The following KIAA0825 variants were observed in gnomAD, a reference collection of about 807,000 sequenced individuals.
KIAA0825 encodes KIAA0825.
In KIAA0825, 119 loss-of-function variants were observed where a neutral mutation model predicts 147.6. The observed-to-expected ratio is 0.81, with a 90% CI of 0.69 to 0.94. The LOEUF (loss-of-function observed/expected upper bound fraction) is 0.94, where lower values mean the gene tolerates loss of function less well. KIAA0825 is among the 40% of genes least tolerant of loss of function. The pLI is 0.00. For missense variants in KIAA0825, 1,381 were observed against 1,472.7 expected, an observed-to-expected ratio of 0.94 and a Z score of 1.02; for synonymous variants, 470 against 518.1, an observed-to-expected ratio of 0.91 and a Z score of 1.26.
At chr5:94,509,442 C>G (rs552967021) in intron 5 of KIAA0825, among the ~76,000 whole-genome samples, 3 of 152,224 alleles carry the variant, frequency 2.0e-5, no homozygotes, top group African/African-American at 7.2e-5. Flanking sequence ...CAAATCCCTA[C>G]AAATAGGTTT....
chr5:94,547,873 G>GA lies in KIAA0825; in HGVS notation c.-1-10747dup, dbSNP rs912297651. Among the ~76,000 whole-genome samples, 1,297 of 143,694 alleles carry GA rather than the reference G, an allele frequency of 9.0e-3. 18 individuals are homozygous for GA. Among genetic ancestry groups the GA allele is most frequent in the African/African-American group, 0.03 (1,193 of 39,138 alleles). The allele number at this position is 143,694 out of a possible 152,430, so 94.3% of individuals were successfully genotyped here. On this transcript the variant is annotated intron_variant, in intron 2 of 20. Transcript: ENST00000682413. Reference sequence around the variant, plus strand: ...GCAGGATATACCTAAGGTACTGAAGGAAAAAAAAAACAAAAAAACCTTTTA... The same window carrying GA: ...GCAGGATATACCTAAGGTACTGAAGGAAAAAAAAAAACAAAAAAACCTTTTA...
At chr5:94,354,334 G>A (rs1218992404) in intron 20 of KIAA0825, among the ~76,000 whole-genome samples, 4 of 151,986 alleles carry the variant, frequency 2.6e-5, no homozygotes, top group Non-Finnish European at 5.9e-5. Context: ...TTAAAGTAGT[G>A]TTTCAATATG....
chr5:94,546,973 A>G (rs1279718867), intron 2 of KIAA0825, among the ~76,000 whole-genome samples: 1 of 151,946 alleles, frequency 6.6e-6, no homozygotes, highest in Non-Finnish European at 1.5e-5. Flanking sequence ...GATAACGCAG[A>G]GAAGGAATTC....
At chr5:94,610,677 T>C (rs554225968) in intron 1 of KIAA0825, among the ~76,000 whole-genome samples, 5 of 145,702 alleles carry the variant, frequency 3.4e-5, no homozygotes, top group South Asian at 4.4e-4. Flanking sequence ...GACAGGAGAA[T>C]TGCTTGAACC....
intron 20 of KIAA0825, among the ~76,000 whole-genome samples, chr5:94,290,455 G>C (rs1229788155): frequency 1.3e-5 from 2 of 152,104 alleles, no homozygotes; most frequent in Non-Finnish European, 2.9e-5. Flanking sequence ...CCCTGCAAAG[G>C]ACACAAACTC....
intron 5 of KIAA0825, among the ~76,000 whole-genome samples, chr5:94,515,066 T>G (rs1483200959): frequency 6.6e-6 from 1 of 152,220 alleles, no homozygotes; most frequent in Non-Finnish European, 1.5e-5. Flanking sequence ...ATGGGGGCCA[T>G]GGAGTTTGTC....
chr5:94,435,980 T>A (rs1221544313), intron 14 of KIAA0825, among the ~76,000 whole-genome samples: 1 of 152,244 alleles, frequency 6.6e-6, no homozygotes, highest in African/African-American at 2.4e-5. Flanking sequence ...TTAGTTGTTT[T>A]TTCATTCTAA....
chr5:94,482,463 A>T (rs538578189), intron 6 of KIAA0825, among the ~76,000 whole-genome samples: 2 of 152,156 alleles, frequency 1.3e-5, no homozygotes, highest in East Asian at 3.9e-4. Flanking sequence ...CAGGAAACCA[A>T]ATGACTTCCT....
Position 94,396,148 on chromosome 5 carries a change from G to T in KIAA0825, c.3249C>A (p.Asn1083Lys), listed in dbSNP as rs1388286698. The part of the protein sequence containing the change: ...VIQSIEQQKP[N>K]WIERQLLKAR... Reference sequence around the variant, plus strand: ...CTTTCAACAATTGACGTTCAATCCAGTTGGGCTTCTGCTGCTCAATGCTCT... The same window carrying T: ...CTTTCAACAATTGACGTTCAATCCATTTGGGCTTCTGCTGCTCAATGCTCT... Residue 1083 changes from asparagine to lysine, a missense_variant, in exon 17 of 21, where the codon AAC becomes AAA. Asn to Lys is a moderately conservative substitution (Grantham distance 94, BLOSUM62 0). Transcript: ENST00000682413. 9 of 1,529,958 alleles carry T rather than the reference G, an allele frequency of 5.9e-6. No homozygotes were observed. In the South Asian group the frequency reaches 1.0e-4, roughly 17 times the overall value. The allele number at this position is 1,529,958 out of a possible 1,614,324, so 94.8% of individuals were successfully genotyped here. A position where few individuals can be genotyped will look rare whatever the true frequency, so the allele number is the denominator to read the frequency against.
chr5:94,456,789 G>A (rs1051462066), intron 12 of KIAA0825, among the ~76,000 whole-genome samples: 13 of 152,096 alleles, frequency 8.5e-5, no homozygotes, highest in African/African-American at 3.1e-4. Flanking sequence ...GATAACAACA[G>A]TTAGAAATCG....
intron 14 of KIAA0825, among the ~76,000 whole-genome samples, chr5:94,432,598 A>C (rs1006916248): frequency 6.6e-6 from 1 of 152,124 alleles, no homozygotes; most frequent in Non-Finnish European, 1.5e-5. Context: ...ACAAAAAAAA[A>C]ATAGAACAAG....
chr5:94,515,801 A>C (rs1767145427), intron 5 of KIAA0825, among the ~76,000 whole-genome samples: 1 of 151,918 alleles, frequency 6.6e-6, no homozygotes, highest in Non-Finnish European at 1.5e-5. Flanking sequence ...CAAAAAAAAA[A>C]AAAAAATTAG....
intron 14 of KIAA0825, among the ~76,000 whole-genome samples, chr5:94,419,073 G>A (rs1386690523): frequency 6.6e-6 from 1 of 151,914 alleles, no homozygotes; most frequent in Admixed American, 6.6e-5. Context: ...ATGGGGTCTT[G>A]CTCTGTTGCT....
chr5:94,381,947 C>T (rs1381708606), intron 20 of KIAA0825, among the ~76,000 whole-genome samples: 1 of 152,000 alleles, frequency 6.6e-6, no homozygotes, highest in Non-Finnish European at 1.5e-5. Context: ...ATTCTTTTCC[C>T]TTATCTTCAA....
chr5:94,421,946 T>C (rs1754240709), intron 14 of KIAA0825, among the ~76,000 whole-genome samples: 1 of 152,176 alleles, frequency 6.6e-6, no homozygotes, highest in Non-Finnish European at 1.5e-5. Flanking sequence ...TCCATAAACA[T>C]TGCTTTTCCT....
intron 5 of KIAA0825, among the ~76,000 whole-genome samples, chr5:94,516,181 A>G (rs1433470128): frequency 6.6e-6 from 1 of 152,210 alleles, no homozygotes; most frequent in African/African-American, 2.4e-5. Flanking sequence ...ACCTTATCAT[A>G]GAAAAATGGC....
chr5:94,201,984 C>G (rs1308571715), intron 20 of KIAA0825, among the ~76,000 whole-genome samples: 1 of 152,110 alleles, frequency 6.6e-6, no homozygotes, highest in Non-Finnish European at 1.5e-5. Flanking sequence ...TCAGACGTCA[C>G]TTGGGGGATG....
chr5:94,269,654 C>G (rs1214773908), intron 20 of KIAA0825, among the ~76,000 whole-genome samples: 14 of 151,848 alleles, frequency 9.2e-5, no homozygotes, highest in Admixed American at 9.2e-4. Flanking sequence ...CTATGGGATA[C>G]AGTGAAAACA....
intron 3 of KIAA0825, 151 bp from the exon 4 acceptor site, chr5:94,524,249 T>C (rs1031575458): frequency 6.7e-6 from 3 of 445,900 alleles, no homozygotes; most frequent in Admixed American, 8.5e-5. Flanking sequence ...TAACAGACTA[T>C]ACATTCATAG....
Sources: allele counts gnomAD v4.1 joint callset (sites outside exome capture counted in the v4.1 genomes callset), GRCh38; gene constraint gnomAD v4.1.1; transcripts MANE v1.5; gene names NCBI Gene and HGNC (gene_info 2026-07-23, HGNC 2026-07-21).